The following LYRM4 variants were observed in gnomAD, a reference collection of about 807,000 sequenced individuals.
LYRM4 encodes LYR motif-containing protein 4.
LYRM4 carries 9 observed loss-of-function variants against 11.7 expected under a neutral mutation model. That is an observed-to-expected ratio of 0.77 (90% CI 0.46 to 1.34). LYRM4 has a LOEUF of 1.34. LYRM4 is among the 40% of genes most tolerant of loss of function. The pLI is 0.00. For missense variants in LYRM4, 133 were observed against 112.5 expected, an observed-to-expected ratio of 1.18 and a Z score of -0.82; for synonymous variants, 42 against 40.4, an observed-to-expected ratio of 1.04 and a Z score of -0.15.
chr6:5,134,929 G>A (rs1756996841), intron 2 of LYRM4, among the ~76,000 whole-genome samples: 1 of 150,068 alleles, frequency 6.7e-6, no homozygotes, highest in South Asian at 2.1e-4. Flanking sequence ...TCCTGGGACT[G>A]TGGAGGGTGC....
the LYRM4 span, among the ~76,000 whole-genome samples, chr6:5,046,035 T>A: frequency 6.6e-6 from 1 of 152,220 alleles, no homozygotes. Context: ...TTGGGCACAT[T>A]CCCCTAGGCA....
chr6:5,250,532 G>T (rs2753232), intron 1 of LYRM4, among the ~76,000 whole-genome samples: 43,905 of 149,062 alleles, frequency 0.29, 7,993 homozygotes, highest in African/African-American at 0.56. Flanking sequence ...AGAAAAAAAT[G>T]TTTTTTGGAA....
At chr6:5,184,206 C>T (rs1029870384) in intron 2 of LYRM4, among the ~76,000 whole-genome samples, 1 of 151,934 alleles carries the variant, frequency 6.6e-6, no homozygotes, top group South Asian at 2.1e-4. Context: ...CGATAATGAT[C>T]CCGAGATGTC....
intron 2 of LYRM4, among the ~76,000 whole-genome samples, chr6:5,190,780 G>A (rs901583091): frequency 6.6e-5 from 10 of 152,136 alleles, no homozygotes; most frequent in Admixed American, 6.5e-4. Flanking sequence ...GAGAAAGCCT[G>A]AGAGAATTTC....
At chr6:5,256,350 C>T (rs143657747) in intron 1 of LYRM4, among the ~76,000 whole-genome samples, 6 of 151,694 alleles carry the variant, frequency 4.0e-5, no homozygotes, top group South Asian at 2.1e-4. Flanking sequence ...ATTAGCCAGG[C>T]GTAGTGGCAG....
At chr6:5,043,896 C>A in the LYRM4 span, among the ~76,000 whole-genome samples, 1 of 152,138 alleles carries the variant, frequency 6.6e-6, no homozygotes, top group African/African-American at 2.4e-5. Flanking sequence ...CTGGCCAATC[C>A]CGAGTCTGTT....
chr6:5,233,973 C>T (rs1395405224), intron 1 of LYRM4, among the ~76,000 whole-genome samples: 1 of 152,240 alleles, frequency 6.6e-6, no homozygotes, highest in African/African-American at 2.4e-5. Context: ...TGTCACAATG[C>T]AGTTCTACAG....
chr6:5,085,802 C>G, the LYRM4 span: 6 of 1,528,012 alleles, frequency 3.9e-6, no homozygotes, highest in Non-Finnish European at 5.3e-6. Context: ...CAGCAACAGG[C>G]GGTGGCACTG....
At chr6:5,149,168 T>C (rs1002729577) in intron 2 of LYRM4, among the ~76,000 whole-genome samples, 3 of 152,234 alleles carry the variant, frequency 2.0e-5, no homozygotes, top group Non-Finnish European at 4.4e-5. Context: ...GTATGTATGA[T>C]ATTTTCAGGT....
intron 2 of LYRM4, among the ~76,000 whole-genome samples, chr6:5,191,371 C>G (rs1760743009): frequency 6.6e-6 from 1 of 152,150 alleles, no homozygotes; most frequent in Admixed American, 6.5e-5. Context: ...ATCTGAAGTC[C>G]TTTTGATGCC....
intron 2 of LYRM4, among the ~76,000 whole-genome samples, chr6:5,137,056 A>G (rs201445998): frequency 6.6e-6 from 1 of 152,052 alleles, no homozygotes; most frequent in Non-Finnish European, 1.5e-5. Context: ...GCATTTGCCT[A>G]TTTTGGCCAT....
chr6:5,202,961 G>C (rs1219126792), intron 2 of LYRM4, among the ~76,000 whole-genome samples: 2 of 152,010 alleles, frequency 1.3e-5, no homozygotes, highest in Non-Finnish European at 2.9e-5. Context: ...GAGACAGAGA[G>C]GACAGCCCTA....
intron 2 of LYRM4, among the ~76,000 whole-genome samples, chr6:5,178,347 A>T (rs1759842678): frequency 6.6e-6 from 1 of 152,174 alleles, no homozygotes; most frequent in Admixed American, 6.5e-5. Flanking sequence ...TTATTGGAAT[A>T]AACAGACAGA....
chr6:5,094,491 A>C, the LYRM4 span, among the ~76,000 whole-genome samples: 1 of 152,220 alleles, frequency 6.6e-6, no homozygotes, highest in African/African-American at 2.4e-5. Context: ...TTCTTAACAA[A>C]AACAAAACAA....
the LYRM4 span, among the ~76,000 whole-genome samples, chr6:5,079,219 G>A: frequency 6.6e-6 from 1 of 152,148 alleles, no homozygotes; most frequent in Non-Finnish European, 1.5e-5. Context: ...AGGAAAAAGG[G>A]GTTTGGGCTG....
At chr6:5,207,223 A>G (rs920022441) in intron 2 of LYRM4, among the ~76,000 whole-genome samples, 3 of 152,220 alleles carry the variant, frequency 2.0e-5, no homozygotes, top group East Asian at 1.9e-4. Flanking sequence ...GATCTTCCCA[A>G]CAGCACTGAT....
At position 5,178,729 on chromosome 6, in the gene LYRM4, C is replaced by T. The variant is rs547555102; in HGVS notation, c.207+37889G>A. 2.5e-3 allele frequency among the ~76,000 whole-genome samples: 307 copies of T among 124,674 alleles called. 1 individual carries two copies. Among genetic ancestry groups the T allele is most frequent in the African/African-American group, 8.9e-3 (295 of 33,242 alleles). 81.8% of individuals were successfully genotyped at this position (124,674 alleles called of 152,430 possible). Reference sequence around the variant, plus strand: ...CTGAGGCAGAAGAATCGCTTGAACCCGGGAGGCGGAGGTGGCAGTGAGCTG... The same window carrying T: ...CTGAGGCAGAAGAATCGCTTGAACCTGGGAGGCGGAGGTGGCAGTGAGCTG... On this transcript the variant is annotated intron_variant, in intron 2 of 2. Transcript: ENST00000330636.
chr6:5,189,157 CT>C (rs1219150912), intron 2 of LYRM4, among the ~76,000 whole-genome samples: 1 of 152,252 alleles, frequency 6.6e-6, no homozygotes, highest in Non-Finnish European at 1.5e-5. Context: ...ATATTTGCCT[CT>C]TGCTAACATC....
At chr6:5,190,061 G>A (rs1276356768) in intron 2 of LYRM4, among the ~76,000 whole-genome samples, 1 of 152,042 alleles carries the variant, frequency 6.6e-6, no homozygotes, top group African/African-American at 2.4e-5. Flanking sequence ...CTCAAACACC[G>A]CACAAAGGGA....
Sources: gnomAD v4.1 joint callset for allele counts (sites outside exome capture counted in the v4.1 genomes callset) on GRCh38, gnomAD v4.1.1 for gene constraint, MANE v1.5 for transcripts, NCBI Gene and HGNC (gene_info 2026-07-23, HGNC 2026-07-21) for gene names.